The following CHRNA9 variants were observed in gnomAD, a reference collection of about 807,000 sequenced individuals.
The protein encoded by CHRNA9 is cholinergic receptor nicotinic alpha 9 subunit, also known as neuronal acetylcholine receptor subunit alpha-9.
CHRNA9 carries 24 observed loss-of-function variants against 36.8 expected under a neutral mutation model. That is an observed-to-expected ratio of 0.65 (90% CI 0.47 to 0.92). The LOEUF is 0.92. Among genes scored for constraint, CHRNA9 ranks in the 40% least tolerant of loss-of-function variants. CHRNA9 has a pLI of 0.00. For missense variants in CHRNA9, 610 were observed against 601.2 expected (o/e 1.01, Z -0.15); for synonymous variants, 231 against 231.8 (o/e 1.00, Z 0.03).
At chr4:40,346,674 T>C (rs55920583) in intron 3 of CHRNA9, among the ~76,000 whole-genome samples, 20,966 of 152,212 alleles carry the variant, frequency 0.14, 2,945 homozygotes, top group African/African-American at 0.36. Context: ...AAGATCCTCT[T>C]GGGTATGGAG....
intron 3 of CHRNA9, among the ~76,000 whole-genome samples, chr4:40,341,680 A>T (rs544208992): frequency 6.6e-6 from 1 of 152,056 alleles, no homozygotes; most frequent in African/African-American, 2.4e-5. Flanking sequence ...GCCCATACCC[A>T]CTCTGTGGAG....
At chr4:40,342,934 G>C (rs1007720927) in intron 3 of CHRNA9, among the ~76,000 whole-genome samples, 1 of 152,048 alleles carries the variant, frequency 6.6e-6, no homozygotes, top group African/African-American at 2.4e-5. Context: ...AAGAGAGAGG[G>C]GGGAACTTCT....
chr4:40,346,958 G>A (rs986712916), intron 3 of CHRNA9, among the ~76,000 whole-genome samples: 9 of 151,774 alleles, frequency 5.9e-5, no homozygotes, highest in Non-Finnish European at 1.0e-4. Context: ...CTACAGGTGC[G>A]CGCCACCACG....
Position 40,349,381 on chromosome 4 carries a change from AT to A in CHRNA9, c.866del (p.Ile289ThrfsTer10), listed in dbSNP as rs779522528. ...MTVFQLMVAE[I>X]MPASENVPLI... ...TGTATTTCAGCTAATGGTGGCAGAAATCATGCCGGCCTCAGAAAATGTGCCC... is the reference window on the plus strand; with the variant it reads ...TGTATTTCAGCTAATGGTGGCAGAAACATGCCGGCCTCAGAAAATGTGCCC... On this transcript the variant is annotated frameshift_variant, in exon 4 of 5. Coordinates refer to ENST00000310169, the MANE Select transcript of CHRNA9 (RefSeq NM_017581.4). LOFTEE classifies it high-confidence loss of function. 2 of 1,613,776 alleles carry A rather than the reference AT, an allele frequency of 1.2e-6. No homozygotes were observed. The highest frequency in any genetic ancestry group is 1.7e-6 in the Non-Finnish European group (2 of 1,179,866).
In CHRNA9 at chr4:40,349,078, G is replaced by C; in HGVS notation, c.562G>C (p.Ala188Pro). ...TGGCAATCAGGTGGACATATTCAAC[G>C]CCTTGGACAGCGGAGATCTCTCTGA... ...YNGNQVDIFN[A>P]LDSGDLSDFI... The change falls in exon 4 of 5, where the codon GCC becomes CCC. Residue 188 changes from alanine (A) to proline (P), a missense_variant. Coordinates refer to ENST00000310169, the MANE Select transcript of CHRNA9 (RefSeq NM_017581.4). 1.2e-6 allele frequency: 2 copies of C among 1,614,138 alleles called. No individual in the cohort carries two copies. The highest frequency in any genetic ancestry group is 1.7e-6 in the Non-Finnish European group (2 of 1,180,010).
rs763838732 is a variant in CHRNA9, at chr4:40,349,163, C to T, written c.647C>T (p.Ser216Phe). The T allele has an allele frequency of 6.2e-7, 1 of 1,614,198 alleles. No homozygotes were observed. The highest frequency in any genetic ancestry group is 1.1e-5 in the South Asian group (1 of 91,076). Residue 216 changes from serine (S) to phenylalanine (F), a missense_variant, in exon 4 of 5, where the codon TCC becomes TTC. Physicochemically the swap from Ser to Phe is radical, Grantham distance 155 (BLOSUM62 -2). Coordinates refer to ENST00000310169, the MANE Select transcript of CHRNA9 (RefSeq NM_017581.4). ...ATGCCCGCTGTGAAGAATGTGATCT[C>T]CTATGGCTGCTGCTCTGAGCCTTAC... ...HGMPAVKNVISYGCCSEPYPD... is the reference protein window; with the variant it reads ...HGMPAVKNVIFYGCCSEPYPD...
At position 40,337,292 on chromosome 4, in the gene CHRNA9, A is replaced by T; in HGVS notation, c.293A>T (p.Gln98Leu). The T allele has an allele frequency of 6.2e-7, 1 of 1,614,238 alleles. No homozygotes were observed. The highest frequency in any genetic ancestry group is 8.5e-7 in the Non-Finnish European group (1 of 1,180,034). ...HDAYLTWDRD[Q>L]YDGLDSIRIP... The stretch of plus-strand genomic sequence containing the variant: ...GCCTATCTCACGTGGGACCGAGATC[A>T]GTACGATGGCCTAGACTCCATCAGG... The change falls in exon 3 of 5, where the codon CAG (glutamine) becomes CTG (leucine). Residue 98 changes from glutamine (Q) to leucine (L), a missense_variant. Gln to Leu is a moderately radical substitution (Grantham distance 113). Coordinates refer to ENST00000310169, the MANE Select transcript of CHRNA9 (RefSeq NM_017581.4).
At chr4:40,353,878 C>CTAA (rs1211637711) in intron 4 of CHRNA9, 101 bp from the exon 5 acceptor site, 8 of 1,096,610 alleles carry the variant, frequency 7.3e-6, no homozygotes, top group Non-Finnish European at 9.2e-6. Context: ...CACCTAATGA[C>CTAA]TAATACCTTT....
At chr4:40,352,915 A>C (rs921016576) in intron 4 of CHRNA9, among the ~76,000 whole-genome samples, 1 of 152,130 alleles carries the variant, frequency 6.6e-6, no homozygotes, top group Non-Finnish European at 1.5e-5. Flanking sequence ...AGTGTGGAAA[A>C]ATTTTTCACC....
chr4:40,349,620 G>T (rs1167630059), intron 4 of CHRNA9: 1 of 553,766 alleles, frequency 1.8e-6, no homozygotes, highest in African/African-American at 1.9e-5. Context: ...TGGTCTCTGG[G>T]TTTACACGAA....
chr4:40,338,323 ATGGG>A (rs1218918424), intron 3 of CHRNA9: 1 of 152,178 alleles, frequency 6.6e-6, no homozygotes, highest in Non-Finnish European at 1.5e-5. Context: ...TTGTGATTCC[ATGGG>A]TGTGGGGCGG....
Position 40,354,620 on chromosome 4 carries a change from G to T in CHRNA9, c.*100G>T. On this transcript the variant is annotated 3_prime_UTR_variant, in exon 5 of 5. Transcript: ENST00000310169. ...ATTTTTGTTCATCTATAATTTAGGGGTTATGTTGTCTGTGCTTTTTATTTT... is the reference window on the plus strand; with the variant it reads ...ATTTTTGTTCATCTATAATTTAGGGTTTATGTTGTCTGTGCTTTTTATTTT... 1 of 997,056 alleles carries T rather than the reference G, an allele frequency of 1.0e-6. No individual in the cohort carries two copies. The highest frequency in any genetic ancestry group is 1.5e-6 in the Non-Finnish European group (1 of 670,972). The allele number at this position is 997,056 out of a possible 1,614,324, so 61.8% of individuals were successfully genotyped here.
intron 3 of CHRNA9, among the ~76,000 whole-genome samples, chr4:40,345,323 A>G (rs1293000691): frequency 2.0e-5 from 3 of 151,880 alleles, no homozygotes; most frequent in East Asian, 3.9e-4. Context: ...AAGCCAAGGT[A>G]GGAGGATCGT....
rs113056490 is a variant in CHRNA9, at chr4:40,351,331, CAA to C, written c.898+1928_898+1929del. ...TGGGGGACAGTGTGAGACTTCGTCT[CAA>C]AAAAAAAAAATTGAAAAAAAATAAG... On this transcript the variant is annotated intron_variant, in intron 4 of 4. Coordinates refer to ENST00000310169, the MANE Select transcript of CHRNA9 (RefSeq NM_017581.4). Among the ~76,000 whole-genome samples, 539 of 145,708 alleles carry C rather than the reference CAA, an allele frequency of 3.7e-3. 2 individuals are homozygous for C. Among genetic ancestry groups the C allele is most frequent in the African/African-American group, 0.013 (497 of 39,600 alleles).
chr4:40,338,107 AT>A (rs1248225860), intron 3 of CHRNA9: 1 of 152,200 alleles, frequency 6.6e-6, no homozygotes, highest in Non-Finnish European at 1.5e-5. Context: ...TGTATCAATA[AT>A]TAATTAAACC....
chr4:40,347,893 C>T (rs1163650059), intron 3 of CHRNA9: 1 of 152,118 alleles, frequency 6.6e-6, no homozygotes, highest in Non-Finnish European at 1.5e-5. Context: ...CAGAAATGTA[C>T]CAATTAAGGC....
At chr4:40,339,298 A>AG (rs1560315505) in intron 3 of CHRNA9, among the ~76,000 whole-genome samples, 2 of 133,098 alleles carry the variant, frequency 1.5e-5, no homozygotes, top group Admixed American at 7.9e-5. Context: ...AAAAAAAAAA[A>AG]AAAGAAAGAA....
intron 4 of CHRNA9, among the ~76,000 whole-genome samples, chr4:40,352,369 G>A (rs907495484): frequency 6.6e-5 from 10 of 152,086 alleles, no homozygotes; most frequent in African/African-American, 2.4e-4. Context: ...TTACAGGCAC[G>A]TGCCAATACA....
At chr4:40,342,264 A>C (rs1215555854) in intron 3 of CHRNA9, among the ~76,000 whole-genome samples, 1 of 152,222 alleles carries the variant, frequency 6.6e-6, no homozygotes, top group Non-Finnish European at 1.5e-5. Context: ...GTTTGGAAAA[A>C]AAGAGGATGA....
Sources: gnomAD v4.1 joint callset for allele counts (sites outside exome capture counted in the v4.1 genomes callset) on GRCh38, gnomAD v4.1.1 for gene constraint, MANE v1.5 for transcripts, NCBI Gene and HGNC (gene_info 2026-07-23, HGNC 2026-07-21) for gene names.